Variants in ZNF727 observed in about 807,000 individuals in gnomAD.
ZNF727 encodes zinc finger protein 727, also known as putative zinc finger protein 727.
ZNF727 carries 11 observed loss-of-function variants against 11.5 expected under a neutral mutation model. The ratio of observed to expected loss-of-function variants is 0.95; its 90% CI spans 0.60 to 1.58. The LOEUF (loss-of-function observed/expected upper bound fraction) is 1.58, where lower values mean the gene tolerates loss of function less well. ZNF727 is among the 40% of genes most tolerant of loss of function. The probability of loss-of-function intolerance (pLI) is 0.00; values close to 1 mark genes in which losing one functional copy is unlikely to be tolerated. For missense variants in ZNF727, 533 were observed against 581.7 expected, an observed-to-expected ratio of 0.92 and a Z score of 0.86; for synonymous variants, 171 against 196.1, an observed-to-expected ratio of 0.87 and a Z score of 1.07.
chr7:64,046,736 T>A (rs1789513706), intron 1 of ZNF727, among the ~76,000 whole-genome samples: 1 of 152,198 alleles, frequency 6.6e-6, no homozygotes, highest in Admixed American at 6.5e-5. Context: ...AACCGATTAA[T>A]ACAAACAGTT....
At position 64,069,716 on chromosome 7, in the gene ZNF727, G is replaced by C. The variant is rs372654714; in HGVS notation, c.226+107G>C. 4.2e-4 allele frequency: 369 copies of C among 886,896 alleles called. 3 individuals are homozygous for C. The African/African-American group carries it at 5.7e-3, about 14-fold the overall frequency. 54.9% of individuals were successfully genotyped at this position (886,896 alleles called of 1,614,324 possible). Reference sequence around the variant, plus strand: ...CAGAAGCTCTGCTCCAGTGGAAATCGTTTCTGAGAAGCCTTCATTTCTTTC... The same window carrying C: ...CAGAAGCTCTGCTCCAGTGGAAATCCTTTCTGAGAAGCCTTCATTTCTTTC... On this transcript the variant is annotated intron_variant, in intron 3 of 3. Transcript: ENST00000456806.
chr7:64,076,059 G>A (rs1785651276), intron 3 of ZNF727, among the ~76,000 whole-genome samples: 1 of 94,814 alleles, frequency 1.1e-5, no homozygotes, highest in African/African-American at 3.8e-5. Flanking sequence ...AGTGGCTCAT[G>A]TTTTAGTTGG....
rs1179990656 is a variant in ZNF727 at position 64,083,874 on chromosome 7, C to T, written c.*5325C>T. On this transcript the variant is annotated 3_prime_UTR_variant, in exon 4 of 4. Transcript: ENST00000456806. ...TTGAAGGTGCTGTATCTATGCACAC[C>T]TTGCATTCTTCTCTGTGAGAGCTAC... Among the ~76,000 whole-genome samples the T allele has an allele frequency of 6.6e-6, 1 of 152,028 alleles. No individual in the cohort carries two copies. Among genetic ancestry groups the T allele is most frequent in the Non-Finnish European group, 1.5e-5 (1 of 68,002 alleles).
At chr7:64,049,225 T>C (rs1398357743) in intron 1 of ZNF727, among the ~76,000 whole-genome samples, 9 of 152,108 alleles carry the variant, frequency 5.9e-5, no homozygotes, top group African/African-American at 2.2e-4. Context: ...ATAAGATTTC[T>C]AGAAACATTT....
chr7:64,074,907 A>G (rs189149993), intron 3 of ZNF727, among the ~76,000 whole-genome samples: 1 of 152,202 alleles, frequency 6.6e-6, no homozygotes, highest in Admixed American at 6.5e-5. Context: ...TTTAAATTTT[A>G]TCTTCTTTAC....
chr7:64,062,348 G>A (rs1789785071), intron 1 of ZNF727, among the ~76,000 whole-genome samples: 2 of 151,554 alleles, frequency 1.3e-5, no homozygotes, highest in South Asian at 4.2e-4. Flanking sequence ...ACTGCCTTTA[G>A]CATTTTTGTA....
rs912870105 is a variant in ZNF727, at chr7:64,081,412, A to G, written c.*2863A>G. On this transcript the variant is annotated 3_prime_UTR_variant, in exon 4 of 4. Coordinates refer to ENST00000456806, the MANE Select transcript of ZNF727 (RefSeq NM_001159522.3). ...AGCAATTGCTGGGAGTGGCAGGGGCATACTACATTTCCATTTTCTGGTGGG... is the reference window on the plus strand; with the variant it reads ...AGCAATTGCTGGGAGTGGCAGGGGCGTACTACATTTCCATTTTCTGGTGGG... Among the ~76,000 whole-genome samples the G allele has an allele frequency of 6.6e-6, 1 of 152,112 alleles. No homozygotes were observed. Among genetic ancestry groups the G allele is most frequent in the Non-Finnish European group, 1.5e-5 (1 of 68,024 alleles).
chr7:64,084,710 G>A lies in ZNF727; in HGVS notation c.*6161G>A, dbSNP rs1050537011. Among the ~76,000 whole-genome samples, 12 of 152,124 alleles carry A rather than the reference G, an allele frequency of 7.9e-5. No individual in the cohort carries two copies. The highest frequency in any genetic ancestry group is 1.2e-4 in the Non-Finnish European group (8 of 67,982). On this transcript the variant is annotated 3_prime_UTR_variant, in exon 4 of 4. Coordinates refer to ENST00000456806, the MANE Select transcript of ZNF727 (RefSeq NM_001159522.3). Reference sequence around the variant, plus strand: ...TTCTGTTGAAAATATGACTTCTCTCGTCTGCTAAACACGTACAGACCTTTA... The same window carrying A: ...TTCTGTTGAAAATATGACTTCTCTCATCTGCTAAACACGTACAGACCTTTA...
At chr7:64,064,327 G>C (rs1477922873) in intron 1 of ZNF727, among the ~76,000 whole-genome samples, 1 of 152,106 alleles carries the variant, frequency 6.6e-6, no homozygotes, top group East Asian at 1.9e-4. Context: ...TGCCAGAACT[G>C]GTACCTTCCC....
chr7:64,077,630 A>G lies in ZNF727; in HGVS notation c.581A>G (p.His194Arg), dbSNP rs1454593618. 18 of 1,552,374 alleles carry G rather than the reference A, an allele frequency of 1.2e-5. No individual in the cohort carries two copies. The highest frequency in any genetic ancestry group is 2.0e-5 in the Admixed American group (1 of 51,008). The change falls in exon 4 of 4, where the codon CAT becomes CGT. Residue 194 changes from histidine to arginine, a missense_variant. Physicochemically the swap from His to Arg is conservative, Grantham distance 29. Around this residue, in one of 3 missense-constraint regions of ZNF727, gnomAD observed 463 missense variants for 494.5 expected, o/e 0.94. Transcript: ENST00000456806. ...GATTTTACCATACAGAAGAGAATTCATACTGCAGATAGAAGTTACAAATGT... is the reference window on the plus strand; with the variant it reads ...GATTTTACCATACAGAAGAGAATTCGTACTGCAGATAGAAGTTACAAATGT... ...LSDFTIQKRI[H>R]TADRSYKCEE... is the part of the protein sequence containing the mutation.
intron 3 of ZNF727, 145 bp downstream of exon 3, chr7:64,069,754 A>T (rs1019044986): frequency 1.5e-6 from 1 of 689,494 alleles, no homozygotes; most frequent in Non-Finnish European, 2.4e-6. Context: ...TTGCTTTAAC[A>T]TAGGGGAATT....
chr7:64,074,604 T>C (rs550140017), intron 3 of ZNF727, among the ~76,000 whole-genome samples: 5 of 152,302 alleles, frequency 3.3e-5, no homozygotes, highest in African/African-American at 1.2e-4. Context: ...TTTTCTGCTT[T>C]ATAATTTCCA....
Position 64,061,747 on chromosome 7 carries a change from CTCTCTCTTTT to C in ZNF727, c.4-7137_4-7128del, listed in dbSNP as rs1230645693. On this transcript the variant is annotated intron_variant, in intron 1 of 3. Transcript: ENST00000456806. The stretch of plus-strand genomic sequence containing the variant: ...CTGATTTCTTGTTTTGTAGTATCTT[CTCTCTCTTTT>C]TCTCTCCTTTTCTCTCTCCCATTTA... 2.6e-5 allele frequency among the ~76,000 whole-genome samples: 4 copies of C among 151,960 alleles called. No homozygotes were observed. The East Asian group carries it at 5.8e-4, about 22-fold the overall frequency.
At chr7:64,051,410 C>A (rs1456348987) in intron 1 of ZNF727, among the ~76,000 whole-genome samples, 7 of 152,170 alleles carry the variant, frequency 4.6e-5, no homozygotes, top group African/African-American at 1.7e-4. Flanking sequence ...AGCTTACCAT[C>A]TGCCCACAAA....
chr7:64,056,224 A>G (rs1479450647), intron 1 of ZNF727, among the ~76,000 whole-genome samples: 1 of 152,172 alleles, frequency 6.6e-6, no homozygotes, highest in Non-Finnish European at 1.5e-5. Flanking sequence ...GTATATTGAT[A>G]TCATCTAAAA....
intron 1 of ZNF727, among the ~76,000 whole-genome samples, chr7:64,061,921 ATTATTT>A (rs1789777779): frequency 1.3e-5 from 2 of 151,990 alleles, no homozygotes; most frequent in Admixed American, 1.3e-4. Context: ...CTTATAACCC[ATTATTT>A]TAAACTGATG....
intron 1 of ZNF727, among the ~76,000 whole-genome samples, chr7:64,062,631 G>A (rs2116296684): frequency 7.2e-6 from 1 of 138,316 alleles, no homozygotes; most frequent in Admixed American, 7.7e-5. Flanking sequence ...AAGACCTTCA[G>A]GTGGTCATAT....
At position 64,076,134 on chromosome 7, in the gene ZNF727, A is replaced by G. The variant is rs115954826; in HGVS notation, c.227-1142A>G. On this transcript the variant is annotated intron_variant, in intron 3 of 3. Coordinates refer to ENST00000456806, the MANE Select transcript of ZNF727 (RefSeq NM_001159522.3). The stretch of plus-strand genomic sequence containing the variant: ...GTATAATTTTTTATGCCAATATTCA[A>G]CTCTGTACACATTAAAACAATATTC... Among the ~76,000 whole-genome samples, 417 of 152,222 alleles carry G rather than the reference A, an allele frequency of 2.7e-3. 2 individuals carry two copies. Among genetic ancestry groups the G allele is most frequent in the African/African-American group, 9.3e-3 (387 of 41,526 alleles).
At position 64,084,093 on chromosome 7, in the gene ZNF727, A is replaced by G. The variant is rs1340719320; in HGVS notation, c.*5544A>G. ...GATGAAAAGATTTATATACTTTCCT[A>G]TGGAAGATTAAGAGAAATGAAATCT... is the stretch of plus-strand genomic sequence containing the variant. On this transcript the variant is annotated 3_prime_UTR_variant, in exon 4 of 4. Transcript: ENST00000456806. Among the ~76,000 whole-genome samples the G allele has an allele frequency of 6.6e-6, 1 of 152,162 alleles. No homozygotes were observed. The highest frequency in any genetic ancestry group is 1.5e-5 in the Non-Finnish European group (1 of 68,030).
Sources: allele counts gnomAD v4.1 joint callset (sites outside exome capture counted in the v4.1 genomes callset), GRCh38; gene constraint gnomAD v4.1.1; regional missense constraint gnomAD v4.1.1; transcripts MANE v1.5; gene names NCBI Gene and HGNC (gene_info 2026-07-23, HGNC 2026-07-21).